Variants in OR1B1 observed in about 807,000 individuals in gnomAD.
OR1B1 encodes the protein olfactory receptor 1B1.
For synonymous variants in OR1B1, 168 were observed against 156.2 expected (o/e 1.08, Z -0.57); for missense variants, 414 against 402.1 (o/e 1.03, Z -0.25).
At chr9:122,628,559 T>C, downstream of OR1B1, 2 of 1,499,130 alleles carry the variant, frequency 1.3e-6, no homozygotes, top group Non-Finnish European at 1.8e-6. Context: ...ACCTATTCAA[T>C]ATGGCCCACA....
chr9:122,642,246 T>C, the OR1B1 span, among the ~76,000 whole-genome samples: 1 of 152,040 alleles, frequency 6.6e-6, no homozygotes, highest in Non-Finnish European at 1.5e-5. Flanking sequence ...CAGGAATAGA[T>C]CCAGAGTGAG....
chr9:122,638,635 T>C, the OR1B1 span, among the ~76,000 whole-genome samples: 2 of 152,108 alleles, frequency 1.3e-5, no homozygotes, highest in Non-Finnish European at 2.9e-5. Context: ...GCCAAGACCT[T>C]ATGGAAAAAG....
At chr9:122,629,463 AGAT>A (rs2118807306) in exon 1 of OR1B1, 1 of 1,611,896 alleles carries the variant, frequency 6.2e-7, no homozygotes, top group East Asian at 2.2e-5. Flanking sequence ...AGAGTGTAGG[AGAT>A]GTTAGCTCTC....
chr9:122,638,280 G>T, the OR1B1 span, among the ~76,000 whole-genome samples: 1 of 152,100 alleles, frequency 6.6e-6, no homozygotes, highest in Non-Finnish European at 1.5e-5. Context: ...TTCAAGGTAA[G>T]AACTGAAACA....
the OR1B1 span, among the ~76,000 whole-genome samples, chr9:122,648,745 A>C: frequency 1.3e-5 from 2 of 152,210 alleles, no homozygotes; most frequent in Non-Finnish European, 2.9e-5. Flanking sequence ...TCAAGGAAAT[A>C]AGAGAGGATA....
the OR1B1 span, among the ~76,000 whole-genome samples, chr9:122,647,479 A>T: frequency 6.4e-4 from 97 of 152,298 alleles, no homozygotes; most frequent in Non-Finnish European, 9.3e-4. Flanking sequence ...TAACCTAATG[A>T]TGCATCTTAA....
chr9:122,628,230 C>T (rs972676439), downstream of OR1B1, among the ~76,000 whole-genome samples: 1 of 152,152 alleles, frequency 6.6e-6, no homozygotes, highest in Non-Finnish European at 1.5e-5. Context: ...TGATGATTAA[C>T]TCTACTGCTC....
At chr9:122,650,274 C>G in the OR1B1 span, among the ~76,000 whole-genome samples, 8 of 151,948 alleles carry the variant, frequency 5.3e-5, no homozygotes, top group South Asian at 1.5e-3. Flanking sequence ...GAGGAGGGCT[C>G]GCATTAGGAG....
At chr9:122,656,671 G>T in the OR1B1 span, among the ~76,000 whole-genome samples, 1 of 152,036 alleles carries the variant, frequency 6.6e-6, no homozygotes. Flanking sequence ...CCCCATCTGT[G>T]GTATTCCATT....
chr9:122,649,842 A>G, the OR1B1 span, among the ~76,000 whole-genome samples: 1 of 152,170 alleles, frequency 6.6e-6, no homozygotes, highest in Admixed American at 6.5e-5. Flanking sequence ...ACAGTGTGGC[A>G]ATTCCTCAAG....
At chr9:122,639,135 TCCC>T in the OR1B1 span, among the ~76,000 whole-genome samples, 1 of 152,152 alleles carries the variant, frequency 6.6e-6, no homozygotes, top group African/African-American at 2.4e-5. Flanking sequence ...TTTCATCACC[TCCC>T]CGTTACCTCC....
upstream of OR1B1, among the ~76,000 whole-genome samples, chr9:122,632,673 T>C (rs1027372275): frequency 1.3e-5 from 2 of 152,190 alleles, no homozygotes; most frequent in Non-Finnish European, 2.9e-5. Context: ...CATTCAATGT[T>C]TGGTTTTCCA....
the OR1B1 span, among the ~76,000 whole-genome samples, chr9:122,642,461 G>A: frequency 6.6e-6 from 1 of 152,094 alleles, no homozygotes; most frequent in Non-Finnish European, 1.5e-5. Context: ...AGGAAATCAG[G>A]GCTGGTGAGG....
chr9:122,632,676 G>A (rs2118812644), upstream of OR1B1, among the ~76,000 whole-genome samples: 1 of 152,116 alleles, frequency 6.6e-6, no homozygotes, highest in East Asian at 1.9e-4. Context: ...TCAATGTTTG[G>A]TTTTCCATTC....
rs1249825782 is a variant in OR1B1, at chr9:122,628,619, G to A, written c.917C>T (p.Ala306Val). 2.5e-6 allele frequency: 4 copies of A among 1,613,600 alleles called. No homozygotes were observed. Among genetic ancestry groups the A allele is most frequent in the Admixed American group, 3.3e-5 (2 of 59,998 alleles). The change falls in exon 1 of 1, where the codon GCA becomes GTA. Residue 306 changes from alanine (A) to valine (V), a missense_variant. Physicochemically the swap from Ala to Val is moderately conservative, Grantham distance 64 (BLOSUM62 0). Transcript: ENST00000623530. ...CACCCATTCAAGCAGCCTGCAGAGT[G>A]CACCCTTGACATCCTTATTGTGGAG...
upstream of OR1B1, among the ~76,000 whole-genome samples, chr9:122,632,083 C>CCA (rs1830209046): frequency 6.6e-6 from 1 of 151,974 alleles, no homozygotes. Context: ...GACAGGAATC[C>CCA]CACAAACAGA....
chr9:122,630,064 G>A (rs1830190397), upstream of OR1B1, among the ~76,000 whole-genome samples: 1 of 152,112 alleles, frequency 6.6e-6, no homozygotes, highest in Non-Finnish European at 1.5e-5. Context: ...TCTAAGGTCT[G>A]GAACAAGACA....
chr9:122,637,217 T>A, the OR1B1 span: 9 of 152,320 alleles, frequency 5.9e-5, no homozygotes, highest in East Asian at 9.6e-4. Context: ...AGTGTTGATT[T>A]GAAGAAGGGA....
the OR1B1 span, among the ~76,000 whole-genome samples, chr9:122,638,914 G>T: frequency 6.6e-6 from 1 of 152,154 alleles, no homozygotes; most frequent in African/African-American, 2.4e-5. Flanking sequence ...GAGATGGAAG[G>T]CTCATAACGG....
Sources: allele counts gnomAD v4.1 joint callset (sites outside exome capture counted in the v4.1 genomes callset), GRCh38; gene constraint gnomAD v4.1.1; transcripts MANE v1.5; gene names NCBI Gene and HGNC (gene_info 2026-07-23, HGNC 2026-07-21).